Variants in ATP2A3 observed in about 807,000 individuals in gnomAD.
The protein encoded by ATP2A3 is ATPase sarcoplasmic/endoplasmic reticulum Ca2+ transporting 3, also known as sarcoplasmic/endoplasmic reticulum calcium ATPase 3.
In ATP2A3, 61 loss-of-function variants were observed where a neutral mutation model predicts 106.8. The observed-to-expected ratio is 0.57, with a 90% CI of 0.46 to 0.71. The LOEUF (loss-of-function observed/expected upper bound fraction) is 0.71, where lower values mean the gene tolerates loss of function less well. ATP2A3 is among the 30% of genes least tolerant of loss of function. The pLI, the probability that ATP2A3 is intolerant of heterozygous loss-of-function variation, is 0.00. For missense variants in ATP2A3, 1,201 were observed against 1,423.5 expected, an observed-to-expected ratio of 0.84 and a Z score of 2.52; for synonymous variants, 611 against 609.3, an observed-to-expected ratio of 1.00 and a Z score of -0.04.
chr17:3,929,585 C>G lies in ATP2A3; in HGVS notation c.2745-140G>C, dbSNP rs1260324267. 1.4e-6 allele frequency: 1 copy of G among 714,484 alleles called. No homozygotes were observed. Among genetic ancestry groups the G allele is most frequent in the African/African-American group, 1.8e-5 (1 of 56,218 alleles). 44.3% of individuals were successfully genotyped at this position (714,484 alleles called of 1,614,324 possible). A position where few individuals can be genotyped will look rare whatever the true frequency, so the allele number is the denominator to read the frequency against. On this transcript the variant is annotated intron_variant, in intron 18 of 20. Transcript: ENST00000397041. The surrounding 1 kb of genome is among the most constrained non-coding windows in gnomAD (Gnocchi z 4.3). The stretch of plus-strand genomic sequence containing the variant: ...TCGGCCTGCCAGGGCCTGTCCCGGG[C>G]TGGGACCCCTTTCTCTGCCCCTCAG...
intron 3 of ATP2A3, among the ~76,000 whole-genome samples, chr17:3,952,673 C>G (rs963938120): frequency 3.9e-5 from 6 of 152,034 alleles, no homozygotes; most frequent in African/African-American, 1.4e-4. Flanking sequence ...CACTGCAGCT[C>G]CATCCTCCTG....
rs1446603730 is a variant in ATP2A3 at position 3,941,027 on chromosome 17, C to G, written c.2044G>C (p.Ala682Pro). 1 of 1,613,926 alleles carries G rather than the reference C, an allele frequency of 6.2e-7. No individual in the cohort carries two copies. Among genetic ancestry groups the G allele is most frequent in the African/African-American group, 1.3e-5 (1 of 75,044 alleles). The change falls in exon 14 of 21, where the codon GCA becomes CCA. Residue 682 changes from alanine to proline, a missense_variant. Transcript: ENST00000397041. ...TARCFARVEP[A>P]HKSRIVENLQ... Reference sequence around the variant, plus strand: ...TTCTCCACGATGCGGGACTTGTGTGCGGGCTCCACGCGGGCGAAGCAGCGG... The same window carrying G: ...TTCTCCACGATGCGGGACTTGTGTGGGGGCTCCACGCGGGCGAAGCAGCGG...
chr17:3,943,271 CA>C (rs55661659), intron 11 of ATP2A3, 119 bp downstream of exon 11: 260,312 of 1,272,240 alleles, frequency 0.2, 2,870 homozygotes, highest in Middle Eastern at 0.27. Context: ...GACTCCGTCT[CA>C]AAAAAAAAAA....
At chr17:3,951,195 T>A (rs548742713) in intron 5 of ATP2A3, 56 bp downstream of exon 5, 27,586 of 1,190,398 alleles carry the variant, frequency 0.023, 377 homozygotes, top group Non-Finnish European at 0.027. Context: ...AATAAATAAA[T>A]AAAATAAATA....
At position 3,924,796 on chromosome 17, in the gene ATP2A3, C is replaced by T. The variant is rs556647797; in HGVS notation, c.*626G>A. The T allele has an allele frequency of 1.9e-4, 89 of 456,662 alleles. No individual in the cohort carries two copies. The highest frequency in any genetic ancestry group is 6.3e-4 in the Admixed American group (27 of 42,576). The allele number at this position is 456,662 out of a possible 1,614,324, so 28.3% of individuals were successfully genotyped here. ...CCGTCTCTCTGACCCTTCACCCGCC[C>T]GGGCCCTGCACATATAAACAGAAGC... On this transcript the variant is annotated 3_prime_UTR_variant, in exon 21 of 21. Coordinates refer to ENST00000397041, the MANE Select transcript of ATP2A3 (RefSeq NM_005173.4). The surrounding 1 kb of genome is among the most constrained non-coding windows in gnomAD (Gnocchi z 6.4).
At chr17:3,935,379 C>T in intron 16 of ATP2A3, 102 bp from the exon 17 acceptor site, 2 of 1,114,452 alleles carry the variant, frequency 1.8e-6, no homozygotes, top group Non-Finnish European at 1.3e-6. Flanking sequence ...GGGAGCCACC[C>T]TTTTCCTCTC....
chr17:3,962,737 C>T (rs2055208591), intron 1 of ATP2A3, among the ~76,000 whole-genome samples: 1 of 152,180 alleles, frequency 6.6e-6, no homozygotes, highest in African/African-American at 2.4e-5. Context: ...TGGCTAGGGT[C>T]GTACAGAAGC....
intron 1 of ATP2A3, among the ~76,000 whole-genome samples, chr17:3,962,556 C>T (rs1212271718): frequency 6.6e-6 from 1 of 152,160 alleles, no homozygotes; most frequent in Non-Finnish European, 1.5e-5. Flanking sequence ...CTACACACCA[C>T]GCCAAGCCCA....
At chr17:3,957,266 G>A (rs1345061852) in intron 1 of ATP2A3, among the ~76,000 whole-genome samples, 1 of 152,210 alleles carries the variant, frequency 6.6e-6, no homozygotes. Context: ...TGAGTGACTA[G>A]TTCACCGTCA....
chr17:3,959,283 C>T (rs1032286212), intron 1 of ATP2A3, among the ~76,000 whole-genome samples: 6 of 152,156 alleles, frequency 3.9e-5, no homozygotes, highest in African/African-American at 1.4e-4. Flanking sequence ...TTCCAGGAAG[C>T]CTTCTCTGAA....
intron 3 of ATP2A3, among the ~76,000 whole-genome samples, chr17:3,952,219 G>T (rs1283931277): frequency 6.6e-6 from 1 of 152,086 alleles, no homozygotes; most frequent in African/African-American, 2.4e-5. Flanking sequence ...CGGGTAGATG[G>T]GATTACAGGC....
chr17:3,951,759 G>T (rs751316548), intron 3 of ATP2A3, 74 bp from the exon 4 acceptor site: 28 of 1,395,410 alleles, frequency 2.0e-5, no homozygotes, highest in Non-Finnish European at 2.6e-5. Context: ...TGGCACCCCG[G>T]ATCTCCTGCT....
At chr17:3,945,747 C>G (rs2054078327) in intron 8 of ATP2A3, among the ~76,000 whole-genome samples, 1 of 152,208 alleles carries the variant, frequency 6.6e-6, no homozygotes, top group Non-Finnish European at 1.5e-5. Context: ...GTCTGTTCAG[C>G]CAGCTCTGCT....
Position 3,936,126 on chromosome 17 carries a change from G to T in ATP2A3, c.2524+141C>A. 1 of 1,116,906 alleles carries T rather than the reference G, an allele frequency of 9.0e-7. No individual in the cohort carries two copies. The highest frequency in any genetic ancestry group is 1.3e-6 in the Non-Finnish European group (1 of 750,074). 69.2% of individuals were successfully genotyped at this position (1,116,906 alleles called of 1,614,324 possible). ...GATACTGAGACCCAGATCCCGCCAT[G>T]CCTGGTCTTTTCCATTACATGAGCT... On this transcript the variant is annotated intron_variant, in intron 16 of 20. Transcript: ENST00000397041. This position sits in a 1 kb window ranked among gnomAD's most constrained non-coding sequence, Gnocchi z 5.4.
chr17:3,927,982 C>A lies in ATP2A3; in HGVS notation c.2980+681G>T, dbSNP rs764329508. 5.0e-6 allele frequency: 8 copies of A among 1,613,888 alleles called. No homozygotes were observed. In the African/African-American group the frequency reaches 1.1e-4, roughly 22 times the overall value. ...AAATTCCCAGGAACCGGAGCTCACC[C>A]CTGCTTCCTCCCTCTCTGAGCAGCT... On this transcript the variant is annotated intron_variant, in intron 20 of 20. Coordinates refer to ENST00000397041, the MANE Select transcript of ATP2A3 (RefSeq NM_005173.4).
intron 14 of ATP2A3, among the ~76,000 whole-genome samples, chr17:3,940,382 A>G (rs547008579): frequency 2.9e-4 from 44 of 152,326 alleles, no homozygotes; most frequent in Non-Finnish European, 4.7e-4. Context: ...TACACCTAAG[A>G]AAAGATGGGC....
intron 17 of ATP2A3, among the ~76,000 whole-genome samples, chr17:3,933,803 C>A (rs1215678520): frequency 6.6e-6 from 1 of 151,608 alleles, no homozygotes; most frequent in Non-Finnish European, 1.5e-5. Context: ...ATGGGGAAGC[C>A]CTGGAGGAGC....
intron 9 of ATP2A3, 40 bp downstream of exon 9, chr17:3,945,020 C>T (rs1291301733): frequency 8.8e-6 from 13 of 1,469,040 alleles, no homozygotes; most frequent in Non-Finnish European, 1.2e-5. Context: ...GGCCCCGCCC[C>T]CAGGCCGCCC....
At position 3,924,923 on chromosome 17, in the gene ATP2A3, C is replaced by T; in HGVS notation, c.*499G>A. On this transcript the variant is annotated 3_prime_UTR_variant, in exon 21 of 21. Transcript: ENST00000397041. This position sits in a 1 kb window ranked among gnomAD's most constrained non-coding sequence, Gnocchi z 6.4. ...CTGGGCCCAGATGGCCCCTTCTGAT[C>T]CCCCAGGGCTGACCCAGTCCCAGAC... The T allele has an allele frequency of 2.2e-6, 1 of 445,482 alleles. No individual in the cohort carries two copies. Among genetic ancestry groups the T allele is most frequent in the Non-Finnish European group, 4.5e-6 (1 of 221,776 alleles). The allele number at this position is 445,482 out of a possible 1,614,324, so 27.6% of individuals were successfully genotyped here.
Sources: allele counts gnomAD v4.1 joint callset (sites outside exome capture counted in the v4.1 genomes callset), GRCh38; gene constraint gnomAD v4.1.1; non-coding constraint Gnocchi (gnomAD v3.1); transcripts MANE v1.5; gene names NCBI Gene and HGNC (gene_info 2026-07-23, HGNC 2026-07-21).